The following XYLT1 variants were observed in gnomAD, a reference collection of about 807,000 sequenced individuals.
XYLT1 encodes xylosyltransferase 1.
A neutral mutation model predicts 91.3 loss-of-function variants in XYLT1; 36 were observed. The ratio of observed to expected loss-of-function variants is 0.39; its 90% CI spans 0.30 to 0.52. XYLT1 has a LOEUF of 0.52. XYLT1 is among the 20% of genes least tolerant of loss of function. XYLT1 has a pLI of 0.68. For missense variants in XYLT1, 1,242 were observed against 1,284.5 expected, an observed-to-expected ratio of 0.97 and a Z score of 0.51; for synonymous variants, 588 against 532.0, an observed-to-expected ratio of 1.11 and a Z score of -1.45.
At chr16:17,292,285 T>G (rs1010255558) in intron 2 of XYLT1, among the ~76,000 whole-genome samples, 1 of 152,134 alleles carries the variant, frequency 6.6e-6, no homozygotes, top group African/African-American at 2.4e-5. Flanking sequence ...ATGTGAGAGA[T>G]ATGAATTGTC....
At chr16:17,138,301 G>C in intron 8 of XYLT1, 54 bp downstream of exon 8, 1 of 1,588,716 alleles carries the variant, frequency 6.3e-7, no homozygotes, top group South Asian at 1.1e-5. Flanking sequence ...TTTCTGCAGA[G>C]GTTTGTTGGG....
rs1469209915 is a variant in XYLT1, at chr16:17,338,430, C to T, written c.402+19582G>A. The T allele has an allele frequency of 1.3e-5, 6 of 456,396 alleles. No individual in the cohort carries two copies. In the Admixed American group the frequency reaches 1.4e-4, roughly 11 times the overall value. 28.3% of individuals were successfully genotyped at this position (456,396 alleles called of 1,614,324 possible). On this transcript the variant is annotated intron_variant, in intron 2 of 11. Coordinates refer to ENST00000261381, the MANE Select transcript of XYLT1 (RefSeq NM_022166.4). ...ACATCTGACACTTTGGAAAAGGCTGCAACAAAGGAGAAGTTGAAACCTACG... is the reference window on the plus strand; with the variant it reads ...ACATCTGACACTTTGGAAAAGGCTGTAACAAAGGAGAAGTTGAAACCTACG...
Position 17,249,269 on chromosome 16 carries a change from A to AT in XYLT1, c.913+9718dup, listed in dbSNP as rs370709735. Reference sequence around the variant, plus strand: ...TGCTCAGAATACCACCTCCACAGAGATTCTAGATGCCCATTTCCATTGCTT... The same window carrying AT: ...TGCTCAGAATACCACCTCCACAGAGATTTCTAGATGCCCATTTCCATTGCTT... On this transcript the variant is annotated intron_variant, in intron 3 of 11. Coordinates refer to ENST00000261381, the MANE Select transcript of XYLT1 (RefSeq NM_022166.4). Among the ~76,000 whole-genome samples, 497 of 152,296 alleles carry AT rather than the reference A, an allele frequency of 3.3e-3. 1 individual carries two copies. Among genetic ancestry groups the AT allele is most frequent in the African/African-American group, 0.011 (459 of 41,564 alleles).
chr16:17,470,731 G>T lies in XYLT1; in HGVS notation c.66C>A (p.Leu22=). The change falls in exon 1 of 12, where the codon CTC becomes CTA. Residue 22 remains leucine, a synonymous_variant. Transcript: ENST00000261381. ...RRSHSALLAA[L]TVLLLQTLVV... is the part of the protein sequence containing the mutation. ...CCAGCGTCTGCAGCAGCAGCACCGTGAGCGCCGCGAGCAGCGCCGAGTGCG... is the reference window on the plus strand; with the variant it reads ...CCAGCGTCTGCAGCAGCAGCACCGTTAGCGCCGCGAGCAGCGCCGAGTGCG... The T allele has an allele frequency of 8.7e-7, 1 of 1,143,942 alleles. No individual in the cohort carries two copies. The allele number at this position is 1,143,942 out of a possible 1,614,324, so 70.9% of individuals were successfully genotyped here. A position where few individuals can be genotyped will look rare whatever the true frequency, so the allele number is the denominator to read the frequency against.
chr16:17,152,200 T>C (rs2031299145), intron 6 of XYLT1, among the ~76,000 whole-genome samples: 1 of 152,230 alleles, frequency 6.6e-6, no homozygotes, highest in African/African-American at 2.4e-5. Flanking sequence ...TCCCCTCTAG[T>C]CTTTTGTCTA....
intron 6 of XYLT1, among the ~76,000 whole-genome samples, chr16:17,142,094 A>G (rs2030994979): frequency 6.6e-6 from 1 of 152,096 alleles, no homozygotes; most frequent in Non-Finnish European, 1.5e-5. Context: ...TTTTGTAGAG[A>G]TGGGATCTTA....
intron 1 of XYLT1, among the ~76,000 whole-genome samples, chr16:17,424,392 C>T (rs933392163): frequency 2.0e-5 from 3 of 152,142 alleles, no homozygotes; most frequent in Non-Finnish European, 2.9e-5. Flanking sequence ...TTACAAATTC[C>T]AATACTTATG....
intron 2 of XYLT1, among the ~76,000 whole-genome samples, chr16:17,304,690 C>T (rs1465767934): frequency 6.6e-6 from 1 of 151,994 alleles, no homozygotes; most frequent in African/African-American, 2.4e-5. Flanking sequence ...GGGAACCAAA[C>T]AGGCTCTGAC....
intron 3 of XYLT1, among the ~76,000 whole-genome samples, chr16:17,245,114 T>C (rs1197108336): frequency 1.3e-5 from 2 of 152,240 alleles, no homozygotes; most frequent in Non-Finnish European, 2.9e-5. Context: ...CAGATGGGAC[T>C]GACGGATCAG....
intron 1 of XYLT1, among the ~76,000 whole-genome samples, chr16:17,437,031 T>C (rs1229481434): frequency 6.6e-6 from 1 of 152,170 alleles, no homozygotes; most frequent in Non-Finnish European, 1.5e-5. Context: ...TCCACCTGCA[T>C]TAGCTCATTG....
At chr16:17,190,231 A>C (rs1417240069) in intron 5 of XYLT1, among the ~76,000 whole-genome samples, 1 of 152,150 alleles carries the variant, frequency 6.6e-6, no homozygotes, top group Non-Finnish European at 1.5e-5. Context: ...TGACACTGTG[A>C]ATGTACTGAA....
chr16:17,274,480 A>T (rs1424607922), intron 2 of XYLT1, among the ~76,000 whole-genome samples: 4 of 152,168 alleles, frequency 2.6e-5, no homozygotes, highest in Non-Finnish European at 4.4e-5. Flanking sequence ...AGGATATAGG[A>T]AGGGGAACTA....
chr16:17,445,276 A>G (rs2036578079), intron 1 of XYLT1, among the ~76,000 whole-genome samples: 1 of 152,000 alleles, frequency 6.6e-6, no homozygotes, highest in African/African-American at 2.4e-5. Context: ...GATTACAGGC[A>G]TCAGCCACAC....
chr16:17,220,630 A>G (rs1046820560), intron 3 of XYLT1, among the ~76,000 whole-genome samples: 3 of 151,896 alleles, frequency 2.0e-5, no homozygotes, highest in Non-Finnish European at 4.4e-5. Flanking sequence ...GTGCCACCAC[A>G]CTCGGCTACT....
intron 6 of XYLT1, among the ~76,000 whole-genome samples, chr16:17,147,873 G>C (rs1360545945): frequency 6.6e-6 from 1 of 152,186 alleles, no homozygotes; most frequent in East Asian, 1.9e-4. Context: ...AACAAGGGGC[G>C]CATGGCTCTC....
intron 1 of XYLT1, among the ~76,000 whole-genome samples, chr16:17,453,950 C>T (rs2036701910): frequency 6.6e-6 from 1 of 152,158 alleles, no homozygotes; most frequent in South Asian, 2.1e-4. Context: ...CTAGAAGGGA[C>T]TAAGAATGGA....
intron 1 of XYLT1, among the ~76,000 whole-genome samples, chr16:17,384,549 T>C (rs1041723210): frequency 6.6e-6 from 1 of 151,880 alleles, no homozygotes; most frequent in African/African-American, 2.4e-5. Flanking sequence ...TTTGAAAAAT[T>C]AGATTTGGCC....
At chr16:17,383,348 A>G (rs1418731876) in intron 1 of XYLT1, among the ~76,000 whole-genome samples, 1 of 151,796 alleles carries the variant, frequency 6.6e-6, no homozygotes, top group Admixed American at 6.6e-5. Context: ...ACCTCCGAAG[A>G]TAAGTAGACC....
At chr16:17,192,241 G>A (rs2141580749) in intron 5 of XYLT1, among the ~76,000 whole-genome samples, 1 of 152,086 alleles carries the variant, frequency 6.6e-6, no homozygotes, top group South Asian at 2.1e-4. Flanking sequence ...TGGGATTACA[G>A]GCGCCCGCCA....
Sources: gnomAD v4.1 joint callset for allele counts (sites outside exome capture counted in the v4.1 genomes callset) on GRCh38, gnomAD v4.1.1 for gene constraint, MANE v1.5 for transcripts, NCBI Gene and HGNC (gene_info 2026-07-23, HGNC 2026-07-21) for gene names.